Variants in PXDNL observed in about 807,000 individuals in gnomAD.
PXDNL encodes peroxidasin like.
In PXDNL, 145 loss-of-function variants were observed where a neutral mutation model predicts 150.8. The ratio of observed to expected loss-of-function variants is 0.96; its 90% CI spans 0.84 to 1.10. The LOEUF (loss-of-function observed/expected upper bound fraction) is 1.10. Ranked by LOEUF, PXDNL falls within the 50% of genes least tolerant of loss-of-function variation. The pLI is 0.00. For missense variants in PXDNL, 2,087 were observed against 1,873.9 expected (o/e 1.11, Z -2.10); for synonymous variants, 757 against 725.7 (o/e 1.04, Z -0.69).
At chr8:51,603,072 CCT>C (rs1250529182) in intron 2 of PXDNL, among the ~76,000 whole-genome samples, 2 of 151,468 alleles carry the variant, frequency 1.3e-5, no homozygotes, top group Non-Finnish European at 3.0e-5. Flanking sequence ...TATAGTTTCC[CCT>C]GTGATATGCA....
At chr8:51,513,973 AT>A (rs1811479217) in intron 4 of PXDNL, among the ~76,000 whole-genome samples, 1 of 152,186 alleles carries the variant, frequency 6.6e-6, no homozygotes, top group Admixed American at 6.5e-5. Flanking sequence ...TTTCTCCTCT[AT>A]TTCCATAACA....
chr8:51,413,109 A>G, intron 15 of PXDNL, 41 bp downstream of exon 15: 1 of 1,209,288 alleles, frequency 8.3e-7, no homozygotes, highest in Non-Finnish European at 1.2e-6. Flanking sequence ...GTAGAACAGA[A>G]ATGAAAACAA....
At chr8:51,698,454 A>G (rs1037177658) in intron 1 of PXDNL, among the ~76,000 whole-genome samples, 2 of 152,230 alleles carry the variant, frequency 1.3e-5, no homozygotes, top group African/African-American at 2.4e-5. Flanking sequence ...ATGTTTGATC[A>G]TGAGATTGCA....
chr8:51,321,112 A>G, intron 21 of PXDNL: 1 of 443,566 alleles, frequency 2.3e-6, no homozygotes, highest in Non-Finnish European at 4.0e-6. Context: ...GTAGGTGTTA[A>G]AAAATATTGA....
intron 4 of PXDNL, 23 bp downstream of exon 4, chr8:51,556,817 A>C: frequency 1.5e-6 from 2 of 1,300,636 alleles, no homozygotes; most frequent in African/African-American, 2.9e-5. Flanking sequence ...GAGTGATTTA[A>C]TAAAAAAGTT....
chr8:51,329,519 A>G (rs1429259015), intron 21 of PXDNL, among the ~76,000 whole-genome samples: 1 of 152,210 alleles, frequency 6.6e-6, no homozygotes, highest in Non-Finnish European at 1.5e-5. Flanking sequence ...AAGGGAAAAA[A>G]CACAGTTTTA....
At chr8:51,636,398 A>G (rs1365770107) in intron 2 of PXDNL, among the ~76,000 whole-genome samples, 1 of 152,176 alleles carries the variant, frequency 6.6e-6, no homozygotes, top group African/African-American at 2.4e-5. Flanking sequence ...GAAAATAAGA[A>G]GTAAAACTAT....
chr8:51,676,752 G>T (rs1398057541), intron 1 of PXDNL, among the ~76,000 whole-genome samples: 1 of 152,140 alleles, frequency 6.6e-6, no homozygotes, highest in African/African-American at 2.4e-5. Flanking sequence ...ATTAGGACAG[G>T]TTCATTTTCA....
Position 51,474,982 on chromosome 8 carries a change from T to C in PXDNL, c.684A>G (p.Glu228=), listed in dbSNP as rs1810439406. ...GRAVASVTVE[E]FNCQSPRITF... is the part of the protein sequence containing the mutation. Reference sequence around the variant, plus strand: ...TTGAAATTTACGTACGGCAATTGAATTCCTCTACTGTTACTGAAGCAACTG... The same window carrying C: ...TTGAAATTTACGTACGGCAATTGAACTCCTCTACTGTTACTGAAGCAACTG... The change falls in exon 7 of 23, where the codon GAA becomes GAG. Residue 228 remains glutamate, a synonymous_variant. Coordinates refer to ENST00000356297, the MANE Select transcript of PXDNL (RefSeq NM_144651.5). The C allele has an allele frequency of 6.3e-7, 1 of 1,596,362 alleles. No individual in the cohort carries two copies.
chr8:51,431,538 T>A (rs1809247968), intron 12 of PXDNL, among the ~76,000 whole-genome samples: 2 of 152,198 alleles, frequency 1.3e-5, no homozygotes, highest in Admixed American at 1.3e-4. Context: ...TTTTGACACA[T>A]TTGATTCTCT....
intron 15 of PXDNL, among the ~76,000 whole-genome samples, chr8:51,412,298 T>G (rs957314456): frequency 2.0e-4 from 31 of 152,170 alleles, no homozygotes; most frequent in Non-Finnish European, 1.5e-4. Context: ...GTTGAAGCAC[T>G]TTTTACATAT....
intron 1 of PXDNL, among the ~76,000 whole-genome samples, chr8:51,739,042 C>T (rs1020081520): frequency 3.3e-5 from 5 of 152,094 alleles, no homozygotes; most frequent in Admixed American, 2.6e-4. Flanking sequence ...TTATATATTT[C>T]CCACGACCAA....
chr8:51,520,864 C>T (rs1355265123), intron 4 of PXDNL, among the ~76,000 whole-genome samples: 1 of 152,074 alleles, frequency 6.6e-6, no homozygotes, highest in Admixed American at 6.5e-5. Flanking sequence ...AGAAACAAAG[C>T]AATCACCAGA....
At chr8:51,703,693 C>T (rs1032439058) in intron 1 of PXDNL, among the ~76,000 whole-genome samples, 4 of 152,166 alleles carry the variant, frequency 2.6e-5, no homozygotes, top group African/African-American at 9.7e-5. Context: ...CTGCGAGTAA[C>T]TTCTTGTGTC....
chr8:51,716,814 G>T (rs927676872), intron 1 of PXDNL, among the ~76,000 whole-genome samples: 2 of 152,160 alleles, frequency 1.3e-5, no homozygotes, highest in African/African-American at 4.8e-5. Context: ...AGCAGAGAAG[G>T]CTCCCTCGGG....
chr8:51,485,287 T>C (rs1010702303), intron 5 of PXDNL, among the ~76,000 whole-genome samples: 8 of 152,168 alleles, frequency 5.3e-5, no homozygotes, highest in African/African-American at 1.9e-4. Flanking sequence ...CCTGTGCTTA[T>C]CTTTACCGGC....
At chr8:51,696,809 A>G (rs1217119897) in intron 1 of PXDNL, among the ~76,000 whole-genome samples, 9 of 42,246 alleles carry the variant, frequency 2.1e-4, no homozygotes, top group Admixed American at 3.7e-4. Flanking sequence ...AGGTCTTCAC[A>G]CACACACACA....
At position 51,592,629 on chromosome 8, in the gene PXDNL, A is replaced by G; in HGVS notation, c.306T>C (p.Tyr102=). The G allele has an allele frequency of 1.9e-6, 3 of 1,542,632 alleles. No individual in the cohort carries two copies. Among genetic ancestry groups the G allele is most frequent in the Non-Finnish European group, 2.6e-6 (3 of 1,141,332 alleles). Residue 102 remains tyrosine, a splice_region_variant and synonymous_variant, in exon 3 of 23, where the codon TAT becomes TAC. Transcript: ENST00000356297. ...NAFEGLENLL[Y]LYLYKNEIHA... is the part of the protein sequence containing the mutation. ...TGTTGTTTTTTCTTATAACTTACAG[A>G]TATAGCAAATTTTCAAGTCCTTCAA...
chr8:51,383,865 A>G (rs1017294137), intron 17 of PXDNL, among the ~76,000 whole-genome samples: 6 of 152,176 alleles, frequency 3.9e-5, no homozygotes, highest in African/African-American at 1.4e-4. Context: ...AAGGAAGGAT[A>G]ATAATAATAA....
Sources: gnomAD v4.1 joint callset for allele counts (sites outside exome capture counted in the v4.1 genomes callset) on GRCh38, gnomAD v4.1.1 for gene constraint, MANE v1.5 for transcripts, NCBI Gene and HGNC (gene_info 2026-07-23, HGNC 2026-07-21) for gene names.